GRM7: variants seen among roughly 807,000 people sequenced by gnomAD.
GRM7 encodes the protein glutamate metabotropic receptor 7.
Under a neutral mutation model 84.5 loss-of-function variants are expected in GRM7, and 35 were observed. The observed-to-expected ratio is 0.41, with a 90% CI of 0.32 to 0.55. The LOEUF (loss-of-function observed/expected upper bound fraction) is 0.55, where lower values mean the gene tolerates loss of function less well. GRM7 is among the 20% of genes least tolerant of loss of function. The pLI, the probability that GRM7 is intolerant of heterozygous loss-of-function variation, is 0.19. For synonymous variants in GRM7, 487 were observed against 455.1 expected (o/e 1.07, Z -0.89); for missense variants, 1,003 against 1,194.6 (o/e 0.84, Z 2.36).
In GRM7 at chr3:7,158,306, T is replaced by A. The variant is rs147345501; in HGVS notation, c.736+11638T>A. On this transcript the variant is annotated intron_variant, in intron 2 of 9. Transcript: ENST00000357716. Reference sequence around the variant, plus strand: ...TCTTCCCCACTCTCTCAGCTTCTGTTTGGCCATTTAGTTATTTTCCTTTGT... The same window carrying A: ...TCTTCCCCACTCTCTCAGCTTCTGTATGGCCATTTAGTTATTTTCCTTTGT... 1.5e-3 allele frequency among the ~76,000 whole-genome samples: 225 copies of A among 152,242 alleles called. 1 individual carries two copies. The highest frequency in any genetic ancestry group is 4.8e-3 in the African/African-American group (199 of 41,552).
Position 6,863,064 on chromosome 3 carries a change from C to T in GRM7, c.519+1157C>T. 1 of 452,662 alleles carries T rather than the reference C, an allele frequency of 2.2e-6. No individual in the cohort carries two copies. Among genetic ancestry groups the T allele is most frequent in the Non-Finnish European group, 4.4e-6 (1 of 225,350 alleles). The allele number at this position is 452,662 out of a possible 1,614,324, so 28.0% of individuals were successfully genotyped here. ...TCAGGGTCTCTGTGATTGTAGGTTC[C>T]CTCCTCTGTGTCTTTCCCTATATGT... is the stretch of plus-strand genomic sequence containing the variant. On this transcript the variant is annotated intron_variant, in intron 1 of 9. Transcript: ENST00000357716. The surrounding 1 kb of genome is among the most constrained non-coding windows in gnomAD (Gnocchi z 4.8).
intron 8 of GRM7, among the ~76,000 whole-genome samples, chr3:7,618,805 C>T (rs1293792349): frequency 2.0e-5 from 3 of 152,102 alleles, no homozygotes; most frequent in Non-Finnish European, 4.4e-5. Flanking sequence ...GAGGTGCTGA[C>T]AACTGCTTCC....
intron 1 of GRM7, among the ~76,000 whole-genome samples, chr3:6,864,668 G>T (rs570093529): frequency 1.8e-4 from 27 of 152,074 alleles, no homozygotes; most frequent in Non-Finnish European, 3.2e-4. Flanking sequence ...ATGCCAAACC[G>T]ATCACTTGAG....
intron 7 of GRM7, among the ~76,000 whole-genome samples, chr3:7,557,142 C>T (rs1042589612): frequency 6.6e-6 from 1 of 152,064 alleles, no homozygotes; most frequent in African/African-American, 2.4e-5. Context: ...GTGTGTGGAT[C>T]AGAATGGAGG....
intron 4 of GRM7, among the ~76,000 whole-genome samples, chr3:7,375,080 C>G (rs948335449): frequency 2.0e-5 from 3 of 152,108 alleles, no homozygotes; most frequent in Non-Finnish European, 4.4e-5. Flanking sequence ...TCACTCTTCT[C>G]AAATATGAAC....
chr3:7,027,795 C>A (rs1025882577), intron 1 of GRM7, among the ~76,000 whole-genome samples: 1 of 152,096 alleles, frequency 6.6e-6, no homozygotes, highest in African/African-American at 2.4e-5. Flanking sequence ...CGTTCTTTTT[C>A]TTTTTCTTGA....
chr3:7,217,641 T>C (rs1012811678), intron 2 of GRM7, among the ~76,000 whole-genome samples: 99 of 151,092 alleles, frequency 6.6e-4, no homozygotes, highest in African/African-American at 2.3e-3. Context: ...AAATGCATTA[T>C]AAAATCTTTC....
At chr3:7,321,513 T>G (rs534043479) in intron 4 of GRM7, among the ~76,000 whole-genome samples, 2 of 152,194 alleles carry the variant, frequency 1.3e-5, no homozygotes, top group African/African-American at 2.4e-5. Flanking sequence ...TGTGTTTTTT[T>G]CCCTGTTCTT....
intron 8 of GRM7, among the ~76,000 whole-genome samples, chr3:7,589,744 G>T (rs1412857722): frequency 6.6e-6 from 1 of 152,172 alleles, no homozygotes; most frequent in Non-Finnish European, 1.5e-5. Context: ...GTTGGGAAAA[G>T]AAAATGTAAG....
chr3:7,239,643 G>A (rs142937060), intron 2 of GRM7, among the ~76,000 whole-genome samples: 265 of 152,262 alleles, frequency 1.7e-3, no homozygotes, highest in African/African-American at 5.7e-3. Flanking sequence ...CCTAACGTGG[G>A]TGGGCATCAT....
In GRM7 at chr3:7,671,831, C is replaced by A. The variant is rs1699930765; in HGVS notation, c.2452-8218C>A. On this transcript the variant is annotated intron_variant, in intron 8 of 9. Transcript: ENST00000357716. ...GTTACCTACTCTTTACACATGATTT[C>A]TTTTCATATTCAGAACTGTGAGGAA... 1.3e-5 allele frequency among the ~76,000 whole-genome samples: 2 copies of A among 151,944 alleles called. 1 individual carries two copies. The highest frequency in any genetic ancestry group is 4.2e-4 in the South Asian group (2 of 4,810).
At chr3:7,214,260 G>T (rs1275323318) in intron 2 of GRM7, among the ~76,000 whole-genome samples, 1 of 152,136 alleles carries the variant, frequency 6.6e-6, no homozygotes, top group Admixed American at 6.5e-5. Context: ...AGGAAAGTGA[G>T]AAAACAACAT....
intron 5 of GRM7, among the ~76,000 whole-genome samples, chr3:7,428,978 G>T (rs1696720276): frequency 6.6e-6 from 1 of 152,122 alleles, no homozygotes; most frequent in Non-Finnish European, 1.5e-5. Context: ...AGTAGCTCTT[G>T]CTTCTTCTTT....
chr3:7,339,414 G>A (rs111500788), intron 4 of GRM7, among the ~76,000 whole-genome samples: 5,988 of 152,156 alleles, frequency 0.039, 245 homozygotes, highest in African/African-American at 0.11. Flanking sequence ...CAAACTTTCC[G>A]TTGCAATGGG....
chr3:7,111,954 A>G (rs1015638878), intron 1 of GRM7, among the ~76,000 whole-genome samples: 2 of 152,070 alleles, frequency 1.3e-5, no homozygotes, highest in African/African-American at 4.8e-5. Flanking sequence ...TAAGCCTGAG[A>G]TTGACTATCT....
chr3:7,198,155 T>TAA lies in GRM7; in HGVS notation c.736+51500_736+51501dup, dbSNP rs55839391. On this transcript the variant is annotated intron_variant, in intron 2 of 9. Transcript: ENST00000357716. Reference sequence around the variant, plus strand: ...AGTTAAGGAATAAAGGATAAAATGTTAAAAAAAAAAAAAAGAGAGAGATGG... The same window carrying TAA: ...AGTTAAGGAATAAAGGATAAAATGTTAAAAAAAAAAAAAAAAGAGAGAGATGG... 3.1e-3 allele frequency among the ~76,000 whole-genome samples: 428 copies of TAA among 137,664 alleles called. 3 individuals carry two copies. Among genetic ancestry groups the TAA allele is most frequent in the Middle Eastern group, 7.5e-3 (2 of 268 alleles). 90.3% of individuals were successfully genotyped at this position (137,664 alleles called of 152,430 possible). A position where few individuals can be genotyped will look rare whatever the true frequency, so the allele number is the denominator to read the frequency against.
In GRM7 at chr3:6,861,917, C is replaced by T. The variant is rs776206499; in HGVS notation, c.519+10C>T. ...CCTGAGGCTCTTCCAGGTAGGGATG[C>T]GCTCCCTCCGGGGCGGAGCACACAG... On this transcript the variant is annotated intron_variant, in intron 1 of 9. Transcript: ENST00000357716. The surrounding 1 kb of genome is among the most constrained non-coding windows in gnomAD (Gnocchi z 6.4). 1 of 1,597,408 alleles carries T rather than the reference C, an allele frequency of 6.3e-7. No homozygotes were observed. The highest frequency in any genetic ancestry group is 2.2e-5 in the East Asian group (1 of 44,548).
intron 7 of GRM7, among the ~76,000 whole-genome samples, chr3:7,469,445 G>C (rs1263661380): frequency 6.6e-6 from 1 of 152,196 alleles, no homozygotes; most frequent in Non-Finnish European, 1.5e-5. Flanking sequence ...ACACCTACCA[G>C]TGGCTATTTG....
intron 7 of GRM7, among the ~76,000 whole-genome samples, chr3:7,513,700 A>T (rs1381690326): frequency 6.6e-6 from 1 of 152,218 alleles, no homozygotes; most frequent in African/African-American, 2.4e-5. Context: ...TGCACTTATC[A>T]AAACATAATG....
Sources: allele counts gnomAD v4.1 joint callset (sites outside exome capture counted in the v4.1 genomes callset), GRCh38; gene constraint gnomAD v4.1.1; non-coding constraint Gnocchi (gnomAD v3.1); transcripts MANE v1.5; gene names NCBI Gene and HGNC (gene_info 2026-07-23, HGNC 2026-07-21).